The following PIK3C2G variants were observed in gnomAD, a reference collection of about 807,000 sequenced individuals.
PIK3C2G encodes phosphatidylinositol-4-phosphate 3-kinase catalytic subunit type 2 gamma.
A neutral mutation model predicts 181.1 loss-of-function variants in PIK3C2G; 168 were observed. The ratio of observed to expected loss-of-function variants is 0.93; its 90% CI spans 0.82 to 1.05. PIK3C2G has a LOEUF of 1.05. Ranked by LOEUF, PIK3C2G falls within the 50% of genes least tolerant of loss-of-function variation. The pLI is 0.00. For synonymous variants in PIK3C2G, 573 were observed against 592.2 expected (o/e 0.97, Z 0.47); for missense variants, 1,869 against 1,732.8 (o/e 1.08, Z -1.40).
At chr12:18,600,812 G>A (rs534593547) in intron 30 of PIK3C2G, among the ~76,000 whole-genome samples, 95 of 151,938 alleles carry the variant, frequency 6.3e-4, no homozygotes, top group Non-Finnish European at 1.2e-3. Flanking sequence ...CAAAATGCAA[G>A]CAAAACTTTT....
chr12:18,575,486 CTATTA>C (rs753280269), intron 29 of PIK3C2G, among the ~76,000 whole-genome samples: 5 of 152,070 alleles, frequency 3.3e-5, no homozygotes, highest in Admixed American at 6.6e-5. Flanking sequence ...CTCAAGTATT[CTATTA>C]TATTATTGAT....
chr12:18,707,891 A>T, the PIK3C2G span, among the ~76,000 whole-genome samples: 1 of 152,180 alleles, frequency 6.6e-6, no homozygotes, highest in Admixed American at 6.6e-5. Flanking sequence ...TTTATTGTGT[A>T]TACTTAAGGT....
At chr12:18,338,659 GTATC>G (rs1484862334) in intron 9 of PIK3C2G, 111 bp downstream of exon 9, 59 of 692,084 alleles carry the variant, frequency 8.5e-5, no homozygotes, top group Middle Eastern at 4.3e-4. Context: ...ATGTTTGTGT[GTATC>G]TGTGTGTGTG....
At chr12:18,325,130 C>T in intron 8 of PIK3C2G, 32 bp downstream of exon 8, 1 of 1,275,368 alleles carries the variant, frequency 7.8e-7, no homozygotes, top group Non-Finnish European at 1.1e-6. Flanking sequence ...TCCATCAATT[C>T]AGTAAGCGTT....
At chr12:18,560,463 A>G (rs1282858723) in intron 26 of PIK3C2G, among the ~76,000 whole-genome samples, 1 of 152,086 alleles carries the variant, frequency 6.6e-6, no homozygotes, top group East Asian at 1.9e-4. Context: ...TCAGAAAGGA[A>G]GTGACTGAAC....
At chr12:18,525,695 A>C (rs777920374) in intron 24 of PIK3C2G, among the ~76,000 whole-genome samples, 33 of 152,178 alleles carry the variant, frequency 2.2e-4, no homozygotes, top group Non-Finnish European at 4.0e-4. Flanking sequence ...CACCACATAA[A>C]ATTGGCAAAT....
intron 11 of PIK3C2G, 67 bp downstream of exon 11, chr12:18,346,903 G>A (rs1939720793): frequency 9.6e-7 from 1 of 1,041,168 alleles, no homozygotes. Context: ...AATGCAATTT[G>A]TCATGTTCTT....
intron 11 of PIK3C2G, chr12:18,358,696 G>A: frequency 2.1e-6 from 1 of 478,730 alleles, no homozygotes; most frequent in Non-Finnish European, 4.1e-6. Context: ...ATCTCTTCCA[G>A]GAACCAAAGA....
At chr12:18,708,977 G>T in the PIK3C2G span, among the ~76,000 whole-genome samples, 2 of 151,874 alleles carry the variant, frequency 1.3e-5, no homozygotes, top group African/African-American at 2.4e-5. Context: ...TGATTTTGTT[G>T]GTTGATTGTT....
chr12:18,403,427 T>C (rs1332987647), intron 16 of PIK3C2G, among the ~76,000 whole-genome samples: 4 of 152,168 alleles, frequency 2.6e-5, no homozygotes, highest in Admixed American at 6.5e-5. Flanking sequence ...ACAAGCTGTT[T>C]CCAGAAATGA....
chr12:18,616,097 C>T (rs561994603), intron 31 of PIK3C2G, among the ~76,000 whole-genome samples: 4 of 152,016 alleles, frequency 2.6e-5, no homozygotes, highest in African/African-American at 4.8e-5. Context: ...GGTCAAATTG[C>T]TCATCCTCCC....
At chr12:18,710,882 C>A in the PIK3C2G span, among the ~76,000 whole-genome samples, 1 of 152,070 alleles carries the variant, frequency 6.6e-6, no homozygotes, top group Non-Finnish European at 1.5e-5. Flanking sequence ...AGTCAGGAAA[C>A]AACAGGTGCT....
At chr12:18,521,688 CTTAG>C (rs564980737) in intron 24 of PIK3C2G, among the ~76,000 whole-genome samples, 1 of 152,210 alleles carries the variant, frequency 6.6e-6, no homozygotes, top group South Asian at 2.1e-4. Context: ...GCCCTGGGAT[CTTAG>C]TTTGTTAGGT....
At chr12:18,334,621 CT>C (rs551742774) in intron 8 of PIK3C2G, among the ~76,000 whole-genome samples, 3,474 of 151,730 alleles carry the variant, frequency 0.023, 151 homozygotes, top group African/African-American at 0.08. Flanking sequence ...CAGTGTTCAA[CT>C]TTTTTTTTCT....
the PIK3C2G span, among the ~76,000 whole-genome samples, chr12:18,681,597 TA>T: frequency 6.6e-6 from 1 of 151,968 alleles, no homozygotes; most frequent in African/African-American, 2.4e-5. Context: ...AAATGATAAA[TA>T]ATGCAAATTT....
At chr12:18,491,324 C>T (rs746823049) in intron 19 of PIK3C2G, 127 bp from the exon 20 acceptor site, 6 of 592,924 alleles carry the variant, frequency 1.0e-5, no homozygotes, top group Middle Eastern at 8.9e-4. Flanking sequence ...TGCCTGACCC[C>T]AAAGTCATCC....
chr12:18,390,087 G>A (rs1222303193), intron 14 of PIK3C2G, among the ~76,000 whole-genome samples: 1 of 152,056 alleles, frequency 6.6e-6, no homozygotes, highest in African/African-American at 2.4e-5. Context: ...TCTCGTACTT[G>A]TTTATTTTAT....
chr12:18,607,325 C>T (rs1948082162), intron 30 of PIK3C2G: 1 of 353,108 alleles, frequency 2.8e-6, no homozygotes, highest in Non-Finnish European at 5.6e-6. Flanking sequence ...GTAATCAAAA[C>T]AGCATGGTAC....
intron 24 of PIK3C2G, among the ~76,000 whole-genome samples, chr12:18,512,700 A>G (rs1272284089): frequency 2.6e-5 from 4 of 151,760 alleles, no homozygotes; most frequent in African/African-American, 9.7e-5. Flanking sequence ...TCTTTAGTGG[A>G]GTCTTCAGGA....
Sources: gnomAD v4.1 joint callset for allele counts (sites outside exome capture counted in the v4.1 genomes callset) on GRCh38, gnomAD v4.1.1 for gene constraint, MANE v1.5 for transcripts, NCBI Gene and HGNC (gene_info 2026-07-23, HGNC 2026-07-21) for gene names.